Variants in EPHA3 observed in about 807,000 individuals in gnomAD.
EPHA3 encodes ephrin type-A receptor 3.
Under a neutral mutation model 107.1 loss-of-function variants are expected in EPHA3, and 42 were observed. That is an observed-to-expected ratio of 0.39 (90% CI 0.31 to 0.51). The LOEUF (loss-of-function observed/expected upper bound fraction) is 0.51. EPHA3 is among the 20% of genes least tolerant of loss of function. The probability of loss-of-function intolerance (pLI) is 0.78; values close to 1 mark genes in which losing one functional copy is unlikely to be tolerated. For missense variants in EPHA3, 1,183 were observed against 1,211.2 expected (o/e 0.98, Z 0.35); for synonymous variants, 461 against 424.8 (o/e 1.09, Z -1.05).
At chr3:89,238,021 A>T (rs1474615204) in intron 3 of EPHA3, among the ~76,000 whole-genome samples, 1 of 151,878 alleles carries the variant, frequency 6.6e-6, no homozygotes, top group African/African-American at 2.4e-5. Flanking sequence ...TACACTTAAA[A>T]CCCTACATGA....
chr3:89,399,191 T>G (rs1322423464), intron 6 of EPHA3, 127 bp from the exon 7 acceptor site: 2 of 933,296 alleles, frequency 2.1e-6, no homozygotes, highest in African/African-American at 3.3e-5. Flanking sequence ...TCGATATGAC[T>G]TTTTAAATCC....
chr3:89,144,809 C>G (rs1483360869), intron 2 of EPHA3, among the ~76,000 whole-genome samples: 2 of 151,506 alleles, frequency 1.3e-5, no homozygotes, highest in African/African-American at 4.8e-5. Flanking sequence ...ATGCCCAAAG[C>G]TGATTATTAA....
At chr3:89,457,732 G>T (rs1273520654) in intron 15 of EPHA3, among the ~76,000 whole-genome samples, 1 of 152,208 alleles carries the variant, frequency 6.6e-6, no homozygotes, top group Non-Finnish European at 1.5e-5. Context: ...ATGTTGCACT[G>T]TGTTTAGGGA....
chr3:89,340,839 G>T (rs555121330), intron 3 of EPHA3, 77 bp from the exon 4 acceptor site: 39 of 1,338,610 alleles, frequency 2.9e-5, no homozygotes, highest in Middle Eastern at 2.1e-4. Flanking sequence ...ATTCATATTC[G>T]AACTTACTTA....
chr3:89,193,983 G>C (rs1368364423), intron 2 of EPHA3, among the ~76,000 whole-genome samples: 1 of 151,814 alleles, frequency 6.6e-6, no homozygotes, highest in African/African-American at 2.4e-5. Context: ...TTCACATTAG[G>C]CTATGAAACG....
chr3:89,430,544 A>C (rs761313160), intron 12 of EPHA3, among the ~76,000 whole-genome samples: 1 of 152,140 alleles, frequency 6.6e-6, no homozygotes, highest in Non-Finnish European at 1.5e-5. Context: ...TTTAAACCTT[A>C]TGTTTCTATT....
intron 3 of EPHA3, among the ~76,000 whole-genome samples, chr3:89,241,048 A>T (rs1258911069): frequency 6.6e-6 from 1 of 152,006 alleles, no homozygotes; most frequent in South Asian, 2.1e-4. Flanking sequence ...CCTGAAGAAC[A>T]CATTATATAC....
chr3:89,434,617 T>A (rs1709631945), intron 13 of EPHA3, among the ~76,000 whole-genome samples: 1 of 152,160 alleles, frequency 6.6e-6, no homozygotes, highest in South Asian at 2.1e-4. Context: ...ATTGGAAACA[T>A]TTGTCCAACT....
chr3:89,386,936 A>G (rs893286226), intron 5 of EPHA3, among the ~76,000 whole-genome samples: 2 of 152,062 alleles, frequency 1.3e-5, no homozygotes, highest in African/African-American at 4.8e-5. Context: ...TGGCCAACTT[A>G]TTTCATTTGG....
chr3:89,184,475 C>A (rs1705516154), intron 2 of EPHA3, among the ~76,000 whole-genome samples: 1 of 151,946 alleles, frequency 6.6e-6, no homozygotes, highest in East Asian at 1.9e-4. Context: ...TTAGATATGC[C>A]ATAAGTGATT....
intron 3 of EPHA3, among the ~76,000 whole-genome samples, chr3:89,251,058 C>A (rs1705152756): frequency 6.6e-6 from 1 of 152,094 alleles, no homozygotes; most frequent in African/African-American, 2.4e-5. Context: ...AAAGGTTTAG[C>A]CTTAGATCAA....
intron 3 of EPHA3, among the ~76,000 whole-genome samples, chr3:89,230,622 T>C (rs1704605248): frequency 6.6e-6 from 1 of 152,150 alleles, no homozygotes; most frequent in African/African-American, 2.4e-5. Context: ...TTTTAGATGT[T>C]GTTGTTTAGT....
intron 5 of EPHA3, among the ~76,000 whole-genome samples, chr3:89,351,482 C>G (rs1015230295): frequency 6.7e-5 from 10 of 149,998 alleles, no homozygotes; most frequent in African/African-American, 9.7e-5. Flanking sequence ...GGCTCGCGCA[C>G]GGTGCGCGCA....
intron 3 of EPHA3, among the ~76,000 whole-genome samples, chr3:89,283,432 T>C (rs1027912062): frequency 6.6e-6 from 1 of 152,064 alleles, no homozygotes; most frequent in African/African-American, 2.4e-5. Flanking sequence ...AATAATATTA[T>C]AAGGGAAGAA....
intron 3 of EPHA3, among the ~76,000 whole-genome samples, chr3:89,308,879 G>C (rs1559641534): frequency 6.6e-6 from 1 of 152,032 alleles, no homozygotes; most frequent in African/African-American, 2.4e-5. Context: ...AGATGACAAA[G>C]GCAATGGATT....
At position 89,297,860 on chromosome 3, in the gene EPHA3, C is replaced by T. The variant is rs146605737; in HGVS notation, c.815-43056C>T. 4.8e-4 allele frequency among the ~76,000 whole-genome samples: 73 copies of T among 152,182 alleles called. No homozygotes were observed. In the East Asian group the frequency reaches 0.014, roughly 29 times the overall value. On this transcript the variant is annotated intron_variant, in intron 3 of 16. Coordinates refer to ENST00000336596, the MANE Select transcript of EPHA3 (RefSeq NM_005233.6). ...GACCAGCCTGGCCAACATGGCAAAA[C>T]CCCGTCTCTACTAAAAATACAGAAA... is the stretch of plus-strand genomic sequence containing the variant.
At chr3:89,184,256 GA>G (rs2107125870) in intron 2 of EPHA3, among the ~76,000 whole-genome samples, 1 of 152,108 alleles carries the variant, frequency 6.6e-6, no homozygotes, top group South Asian at 2.1e-4. Context: ...TATGTGTGTA[GA>G]AGTAGTTGAA....
chr3:89,157,023 G>T (rs1465987479), intron 2 of EPHA3, among the ~76,000 whole-genome samples: 2 of 151,968 alleles, frequency 1.3e-5, no homozygotes, highest in Non-Finnish European at 2.9e-5. Context: ...GCAGAAACAA[G>T]GTGTCTGCCT....
chr3:89,230,824 T>TCACACACA (rs61566796), intron 3 of EPHA3, among the ~76,000 whole-genome samples: 79 of 139,636 alleles, frequency 5.7e-4, no homozygotes, highest in African/African-American at 2.1e-3. Context: ...TCTCTCTCTC[T>TCACACACA]CACACACACA....
Sources: allele counts gnomAD v4.1 joint callset (sites outside exome capture counted in the v4.1 genomes callset), GRCh38; gene constraint gnomAD v4.1.1; transcripts MANE v1.5; gene names NCBI Gene and HGNC (gene_info 2026-07-23, HGNC 2026-07-21).